The following ULK2 variants were observed in gnomAD, a reference collection of about 807,000 sequenced individuals.
ULK2 encodes unc-51 like autophagy activating kinase 2.
In ULK2, 76 loss-of-function variants were observed where a neutral mutation model predicts 127.5. The observed-to-expected ratio is 0.60, with a 90% CI of 0.50 to 0.72. The LOEUF is 0.72. ULK2 is among the 30% of genes least tolerant of loss of function. The pLI, the probability that ULK2 is intolerant of heterozygous loss-of-function variation, is 0.00. For synonymous variants in ULK2, 452 were observed against 461.9 expected, an observed-to-expected ratio of 0.98 and a Z score of 0.28; for missense variants, 1,144 against 1,295.9, an observed-to-expected ratio of 0.88 and a Z score of 1.80.
rs1567671843 is a variant in ULK2, at chr17:19,781,001, T to C, written c.2743A>G (p.Thr915Ala). ...TCTCCCATACCTTGTTTCACAGCTG[T>C]GGATGGGCTCAGTTTCCCGGACTTG... ...QIKSGKLSPS[T>A]AVKQVVKNLN... Residue 915 changes from threonine to alanine, a missense_variant, in exon 24 of 27, where the codon ACA becomes GCA. Thr to Ala is a moderately conservative substitution (Grantham distance 58). This residue lies in a region of ULK2 where 913 missense variants were observed against 970.5 expected (regional missense o/e 0.94). Coordinates refer to ENST00000395544, the MANE Select transcript of ULK2 (RefSeq NM_014683.4). 2.5e-6 allele frequency: 4 copies of C among 1,613,920 alleles called. No individual in the cohort carries two copies. Among genetic ancestry groups the C allele is most frequent in the Admixed American group, 1.7e-5 (1 of 59,986 alleles).
At chr17:19,834,858 C>T (rs950867709) in intron 10 of ULK2, among the ~76,000 whole-genome samples, 3 of 150,820 alleles carry the variant, frequency 2.0e-5, no homozygotes, top group Non-Finnish European at 4.4e-5. Context: ...TGCAGTGAGG[C>T]TTGTTTTTAC....
intron 10 of ULK2, among the ~76,000 whole-genome samples, chr17:19,838,019 C>T (rs1042502663): frequency 1.3e-5 from 2 of 152,222 alleles, no homozygotes; most frequent in African/African-American, 4.8e-5. Flanking sequence ...AGCTTACAGG[C>T]ATGCTCCCAG....
intron 20 of ULK2, among the ~76,000 whole-genome samples, chr17:19,788,785 T>A (rs542357972): frequency 1.2e-4 from 18 of 152,212 alleles, no homozygotes; most frequent in African/African-American, 4.3e-4. Context: ...TAAGTTAACA[T>A]CAGTGGTGGC....
intron 8 of ULK2, among the ~76,000 whole-genome samples, chr17:19,842,089 C>G (rs1008368353): frequency 2.0e-5 from 3 of 151,960 alleles, no homozygotes; most frequent in Non-Finnish European, 4.4e-5. Flanking sequence ...CAACAAATAG[C>G]TGATAACAAC....
Position 19,777,100 on chromosome 17 carries a change from T to TCTAC in ULK2, c.3052+477_3052+480dup, listed in dbSNP as rs141161619. Among the ~76,000 whole-genome samples, 741 of 152,242 alleles carry TCTAC rather than the reference T, an allele frequency of 4.9e-3. 21 individuals carry two copies. The East Asian group carries it at 0.084, about 17-fold the overall frequency. ...ATGTATCTACCTACCTACCTACCTA[T>TCTAC]CTACCTACCTACCTAACTACGTAGA... is the stretch of plus-strand genomic sequence containing the variant. On this transcript the variant is annotated intron_variant, in intron 26 of 26. Coordinates refer to ENST00000395544, the MANE Select transcript of ULK2 (RefSeq NM_014683.4).
At chr17:19,821,015 C>T (rs959262589) in intron 12 of ULK2, among the ~76,000 whole-genome samples, 13 of 152,036 alleles carry the variant, frequency 8.6e-5, no homozygotes, top group African/African-American at 2.9e-4. Flanking sequence ...TGTTATAAAA[C>T]GAATAAATAG....
intron 14 of ULK2, among the ~76,000 whole-genome samples, chr17:19,807,975 G>A (rs1480220583): frequency 6.6e-6 from 1 of 152,082 alleles, no homozygotes; most frequent in Non-Finnish European, 1.5e-5. Context: ...GCGTGGTGGC[G>A]GGTACCTGTA....
chr17:19,867,246 GC>G, intron 1 of ULK2, 81 bp downstream of exon 1: 1 of 1,169,754 alleles, frequency 8.5e-7, no homozygotes, highest in East Asian at 3.1e-5. Context: ...GGGGGTCTCG[GC>G]TCGCGGCTGC....
intron 25 of ULK2, among the ~76,000 whole-genome samples, chr17:19,778,130 T>G (rs764877957): frequency 3.3e-5 from 5 of 152,372 alleles, no homozygotes; most frequent in Non-Finnish European, 7.3e-5. Context: ...GGCTTCTTTT[T>G]CTAGCCAAAT....
At chr17:19,793,396 A>G (rs996897326) in intron 20 of ULK2, among the ~76,000 whole-genome samples, 12 of 152,358 alleles carry the variant, frequency 7.9e-5, no homozygotes, top group African/African-American at 2.6e-4. Flanking sequence ...TAGCAAAACA[A>G]CACAACAGGG....
chr17:19,835,071 A>C lies in ULK2; in HGVS notation c.787+3430T>G, dbSNP rs117841854. Reference sequence around the variant, plus strand: ...CATAATATGTAAGACAACAGCACAAAGGGAAGAGCGAATGGAGCCATATTA... The same window carrying C: ...CATAATATGTAAGACAACAGCACAACGGGAAGAGCGAATGGAGCCATATTA... On this transcript the variant is annotated intron_variant, in intron 10 of 26. Coordinates refer to ENST00000395544, the MANE Select transcript of ULK2 (RefSeq NM_014683.4). Among the ~76,000 whole-genome samples, 379 of 152,186 alleles carry C rather than the reference A, an allele frequency of 2.5e-3. 17 individuals are homozygous for C. The East Asian group carries it at 0.061, about 25-fold the overall frequency.
chr17:19,826,139 ATTT>A lies in ULK2; in HGVS notation c.832_834del (p.Lys278del). 1 of 1,450,108 alleles carries A rather than the reference ATTT, an allele frequency of 6.9e-7. No homozygotes were observed. The highest frequency in any genetic ancestry group is 9.2e-7 in the Non-Finnish European group (1 of 1,089,712). 89.8% of individuals were successfully genotyped at this position (1,450,108 alleles called of 1,614,324 possible). A position where few individuals can be genotyped will look rare whatever the true frequency, so the allele number is the denominator to read the frequency against. On this transcript the variant is annotated inframe_deletion and splice_region_variant, in exon 11 of 27. Coordinates refer to ENST00000395544, the MANE Select transcript of ULK2 (RefSeq NM_014683.4). ...GAAAATACAAAAAATGGATACTCAC[ATTT>A]TTTTACTGGACCTTGCTCAAGAAAA...
At chr17:19,796,481 C>T (rs746532493) in intron 18 of ULK2, among the ~76,000 whole-genome samples, 199 bp from the exon 19 acceptor site, 2 of 151,984 alleles carry the variant, frequency 1.3e-5, no homozygotes, top group African/African-American at 2.4e-5. Context: ...CTGAAGGCAA[C>T]CAGATTCTCT....
At chr17:19,809,234 A>C (rs1232874943) in intron 14 of ULK2, among the ~76,000 whole-genome samples, 1 of 152,206 alleles carries the variant, frequency 6.6e-6, no homozygotes, top group East Asian at 1.9e-4. Context: ...AAATTCATAG[A>C]AACAGAGAGC....
chr17:19,777,121 G>A (rs533008492), intron 26 of ULK2, among the ~76,000 whole-genome samples: 15 of 151,854 alleles, frequency 9.9e-5, no homozygotes, highest in Non-Finnish European at 1.6e-4. Context: ...ACCTAACTAC[G>A]TAGAATGGAG....
chr17:19,844,333 G>T (rs1478451194), intron 7 of ULK2, among the ~76,000 whole-genome samples: 1 of 152,004 alleles, frequency 6.6e-6, no homozygotes, highest in African/African-American at 2.4e-5. Context: ...ATCTTGCTGT[G>T]TTCACAGGCT....
chr17:19,778,806 T>C (rs1422824946), intron 25 of ULK2, among the ~76,000 whole-genome samples: 2 of 151,666 alleles, frequency 1.3e-5, no homozygotes, highest in Non-Finnish European at 2.9e-5. Flanking sequence ...ATAAAGCAAA[T>C]AAAATGGATA....
chr17:19,781,896 CTT>C lies in ULK2; in HGVS notation c.2630_2631del (p.Lys877ArgfsTer52). On this transcript the variant is annotated frameshift_variant, in exon 23 of 27. Coordinates refer to ENST00000395544, the MANE Select transcript of ULK2 (RefSeq NM_014683.4). LOFTEE classifies it high-confidence loss of function. ...VVVDQISQLS[K>X]DWGRVEQLVL... ...TGACAAGGGGGCACCCACCCCCAGT[CTT>C]TGCTCAGCTGACTGATCTGGTCCAC... The C allele has an allele frequency of 6.2e-7, 1 of 1,613,014 alleles. No individual in the cohort carries two copies. The highest frequency in any genetic ancestry group is 8.5e-7 in the Non-Finnish European group (1 of 1,179,564).
intron 3 of ULK2, among the ~76,000 whole-genome samples, chr17:19,850,612 G>T (rs1471942114): frequency 6.6e-6 from 1 of 151,804 alleles, no homozygotes; most frequent in Non-Finnish European, 1.5e-5. Context: ...GGATCACGAG[G>T]CCAGGAGATC....
Sources: gnomAD v4.1 joint callset for allele counts (sites outside exome capture counted in the v4.1 genomes callset) on GRCh38, gnomAD v4.1.1 for gene constraint, gnomAD v4.1.1 regional missense constraint, MANE v1.5 for transcripts, NCBI Gene and HGNC (gene_info 2026-07-23, HGNC 2026-07-21) for gene names.